Variants in STK3 observed in about 807,000 individuals in gnomAD.
STK3 encodes the protein serine/threonine kinase 3, also known as serine/threonine-protein kinase 3.
STK3 carries 41 observed loss-of-function variants against 58.0 expected under a neutral mutation model. The ratio of observed to expected loss-of-function variants is 0.71; its 90% confidence interval spans 0.55 to 0.92. The LOEUF (loss-of-function observed/expected upper bound fraction) is 0.92. Among genes scored for constraint, STK3 ranks in the 40% least tolerant of loss-of-function variants. The pLI, the probability that STK3 is intolerant of heterozygous loss-of-function variation, is 0.00. For missense variants in STK3, 479 were observed against 602.7 expected, an observed-to-expected ratio of 0.79 and a Z score of 2.15; for synonymous variants, 170 against 191.0, an observed-to-expected ratio of 0.89 and a Z score of 0.91.
chr8:98,612,972 C>A (rs1244476254), intron 6 of STK3, among the ~76,000 whole-genome samples: 1 of 152,220 alleles, frequency 6.6e-6, no homozygotes, highest in African/African-American at 2.4e-5. Context: ...AAACTGGCAG[C>A]AATGAGGTGA....
chr8:98,598,329 T>C, intron 6 of STK3: 6 of 985,330 alleles, frequency 6.1e-6, no homozygotes, highest in Non-Finnish European at 7.2e-6. Flanking sequence ...CTAACTCTTA[T>C]TTACCCAGTA....
chr8:98,739,980 G>T (rs1016671435), intron 4 of STK3, among the ~76,000 whole-genome samples: 30 of 152,144 alleles, frequency 2.0e-4, no homozygotes, highest in African/African-American at 6.8e-4. Context: ...CGATCAACTG[G>T]AAGAAAGGGT....
At chr8:98,780,013 C>T (rs1831980459) in intron 1 of STK3, among the ~76,000 whole-genome samples, 1 of 151,980 alleles carries the variant, frequency 6.6e-6, no homozygotes, top group Admixed American at 6.6e-5. Flanking sequence ...CACATTCACA[C>T]ACACATAAAT....
downstream of STK3, among the ~76,000 whole-genome samples, chr8:98,450,729 A>G (rs770209914): frequency 6.6e-6 from 1 of 152,250 alleles, no homozygotes; most frequent in Non-Finnish European, 1.5e-5. Flanking sequence ...GCTTGAATGC[A>G]TGCACCCTGC....
At chr8:98,670,481 T>C (rs949955692) in intron 6 of STK3, among the ~76,000 whole-genome samples, 1 of 152,144 alleles carries the variant, frequency 6.6e-6, no homozygotes, top group Non-Finnish European at 1.5e-5. Context: ...TAGGCTCAAA[T>C]GGAAGCTCAC....
At chr8:98,584,783 T>C (rs1433724168) in intron 7 of STK3, among the ~76,000 whole-genome samples, 6 of 148,686 alleles carry the variant, frequency 4.0e-5, no homozygotes, top group Non-Finnish European at 9.0e-5. Context: ...TTTTTAATGA[T>C]TGCCATTCTA....
At chr8:98,577,830 A>T (rs902217456) in intron 8 of STK3, among the ~76,000 whole-genome samples, 1 of 152,216 alleles carries the variant, frequency 6.6e-6, no homozygotes, top group Admixed American at 6.5e-5. Flanking sequence ...CATGATATTT[A>T]AAGCTGAGAC....
intron 1 of STK3, among the ~76,000 whole-genome samples, chr8:98,903,556 C>CTTCTTCTTCTACTTCTTCTT (rs200556218): frequency 2.0e-5 from 1 of 50,502 alleles, no homozygotes; most frequent in African/African-American, 6.8e-5. Flanking sequence ...TCTTCTTCTT[C>CTTCTTCTTCTACTTCTTCTT]CTTTTTTTTT....
intron 8 of STK3, among the ~76,000 whole-genome samples, chr8:98,565,528 T>A (rs1417571535): frequency 1.3e-5 from 2 of 152,154 alleles, no homozygotes; most frequent in Admixed American, 1.3e-4. Flanking sequence ...ATTTTACAAA[T>A]TTCAATATGT....
At chr8:98,588,008 G>C (rs1247779879) in intron 7 of STK3, among the ~76,000 whole-genome samples, 1 of 152,074 alleles carries the variant, frequency 6.6e-6, no homozygotes. Flanking sequence ...ACGTGAGATG[G>C]GTTTCCTCAA....
At chr8:98,608,171 T>C (rs1486118584) in intron 6 of STK3, among the ~76,000 whole-genome samples, 1 of 152,000 alleles carries the variant, frequency 6.6e-6, no homozygotes, top group African/African-American at 2.4e-5. Flanking sequence ...TAATCACATA[T>C]CATATATGTG....
At chr8:98,783,798 T>C (rs1244745740) in intron 1 of STK3, among the ~76,000 whole-genome samples, 2 of 152,230 alleles carry the variant, frequency 1.3e-5, no homozygotes, top group African/African-American at 2.4e-5. Flanking sequence ...GATGGCAGAT[T>C]AGAGGCTTTT....
At chr8:98,936,605 T>C (rs1405457487) in intron 1 of STK3, among the ~76,000 whole-genome samples, 1 of 152,186 alleles carries the variant, frequency 6.6e-6, no homozygotes, top group Admixed American at 6.5e-5. Flanking sequence ...GAGAATGTGG[T>C]CAATGATGAG....
At chr8:98,655,471 CA>C (rs1421676281) in intron 6 of STK3, among the ~76,000 whole-genome samples, 1 of 152,100 alleles carries the variant, frequency 6.6e-6, no homozygotes, top group Non-Finnish European at 1.5e-5. Context: ...CAACGAAAGC[CA>C]AAATTGACAA....
At chr8:98,869,665 C>A (rs1837294499) in intron 3 of STK3, among the ~76,000 whole-genome samples, 1 of 152,042 alleles carries the variant, frequency 6.6e-6, no homozygotes, top group Non-Finnish European at 1.5e-5. Context: ...CCCCTAGAGA[C>A]TTCAAAGTGA....
intron 1 of STK3, among the ~76,000 whole-genome samples, chr8:98,441,173 C>A (rs1022018578): frequency 2.0e-5 from 3 of 152,188 alleles, no homozygotes; most frequent in Non-Finnish European, 4.4e-5. Context: ...ATGACTACCG[C>A]CCTCTAAACT....
At chr8:98,783,825 T>C (rs1587611508) in intron 1 of STK3, among the ~76,000 whole-genome samples, 1 of 152,334 alleles carries the variant, frequency 6.6e-6, no homozygotes, top group South Asian at 2.1e-4. Context: ...CCTCATTCAC[T>C]TGGAAATAGC....
At chr8:98,602,750 G>C (rs62535383) in intron 6 of STK3, among the ~76,000 whole-genome samples, 37,395 of 151,836 alleles carry the variant, frequency 0.25, 5,185 homozygotes, top group East Asian at 0.46. Context: ...CCTCCAAAGA[G>C]AGAAGGGCAA....
chr8:98,624,304 A>G (rs1818548509), intron 6 of STK3, among the ~76,000 whole-genome samples: 1 of 152,184 alleles, frequency 6.6e-6, no homozygotes, highest in Non-Finnish European at 1.5e-5. Context: ...CTGAGTGATA[A>G]CCTAGCTCTA....
Sources: allele counts gnomAD v4.1 joint callset (sites outside exome capture counted in the v4.1 genomes callset), GRCh38; gene constraint gnomAD v4.1.1; transcripts MANE v1.5; gene names NCBI Gene and HGNC (gene_info 2026-07-23, HGNC 2026-07-21).